The following SLC8A1 variants were observed in gnomAD, a reference collection of about 807,000 sequenced individuals.
SLC8A1 encodes solute carrier family 8 member A1.
Under a neutral mutation model 68.3 loss-of-function variants are expected in SLC8A1, and 18 were observed. The ratio of observed to expected loss-of-function variants is 0.26; its 90% CI spans 0.18 to 0.39. The LOEUF (loss-of-function observed/expected upper bound fraction) is 0.39. Among genes scored for constraint, SLC8A1 ranks in the 10% least tolerant of loss-of-function variants. The pLI, the probability that SLC8A1 is intolerant of heterozygous loss-of-function variation, is 1.00. For missense variants in SLC8A1, 985 were observed against 1,156.7 expected, an observed-to-expected ratio of 0.85 and a Z score of 2.15; for synonymous variants, 475 against 415.5, an observed-to-expected ratio of 1.14 and a Z score of -1.74.
chr2:40,377,383 G>A (rs1680234158), intron 2 of SLC8A1, among the ~76,000 whole-genome samples: 2 of 152,060 alleles, frequency 1.3e-5, no homozygotes. Flanking sequence ...CCTGAGCAGG[G>A]AGCCCAGTTA....
At chr2:40,203,177 T>C (rs1040479623) in intron 2 of SLC8A1, among the ~76,000 whole-genome samples, 1 of 152,040 alleles carries the variant, frequency 6.6e-6, no homozygotes, top group Non-Finnish European at 1.5e-5. Context: ...TCCTTAAGCA[T>C]GTTTACTTGC....
chr2:40,507,151 G>T (rs545269340), intron 1 of SLC8A1, among the ~76,000 whole-genome samples: 5 of 151,886 alleles, frequency 3.3e-5, no homozygotes, highest in Non-Finnish European at 7.4e-5. Flanking sequence ...AATTTAGCAC[G>T]TATGGGTGAT....
chr2:40,348,349 T>G (rs1177065640), intron 2 of SLC8A1, among the ~76,000 whole-genome samples: 1 of 152,186 alleles, frequency 6.6e-6, no homozygotes, highest in African/African-American at 2.4e-5. Context: ...TCTTGAGAAT[T>G]GTTAGGGAAG....
intron 1 of SLC8A1, among the ~76,000 whole-genome samples, chr2:40,479,023 C>T (rs1282748784): frequency 6.6e-6 from 1 of 152,112 alleles, no homozygotes; most frequent in East Asian, 1.9e-4. Context: ...CCGCCTGCCT[C>T]GACCTCCCAA....
At chr2:40,234,012 T>C (rs1480676241) in intron 2 of SLC8A1, among the ~76,000 whole-genome samples, 1 of 152,180 alleles carries the variant, frequency 6.6e-6, no homozygotes, top group Non-Finnish European at 1.5e-5. Flanking sequence ...TTGTAGTATA[T>C]AGTTTGAAGT....
chr2:40,200,039 G>C (rs1472459114), intron 2 of SLC8A1, among the ~76,000 whole-genome samples: 1 of 146,966 alleles, frequency 6.8e-6, no homozygotes, highest in Non-Finnish European at 1.5e-5. Context: ...TGAGGAGGGT[G>C]AGTTAGATCT....
chr2:40,477,896 T>C (rs905251718), intron 1 of SLC8A1, among the ~76,000 whole-genome samples: 2 of 152,110 alleles, frequency 1.3e-5, no homozygotes, highest in African/African-American at 4.8e-5. Context: ...TTGGTACTTT[T>C]TAGGAGCTAT....
intron 2 of SLC8A1, among the ~76,000 whole-genome samples, chr2:40,283,342 T>C (rs1009763840): frequency 9.9e-5 from 15 of 152,120 alleles, no homozygotes; most frequent in African/African-American, 3.4e-4. Flanking sequence ...GAAAAACAAG[T>C]TCAACAAATG....
intron 2 of SLC8A1, among the ~76,000 whole-genome samples, chr2:40,418,898 C>A (rs1043020612): frequency 2.6e-5 from 4 of 152,066 alleles, no homozygotes; most frequent in African/African-American, 9.7e-5. Context: ...TAGGTTGCTC[C>A]TAGAGTGGAC....
chr2:40,188,313 G>A (rs974193570), intron 2 of SLC8A1, among the ~76,000 whole-genome samples: 4 of 152,140 alleles, frequency 2.6e-5, no homozygotes, highest in Non-Finnish European at 5.9e-5. Flanking sequence ...AAAGTTTAAG[G>A]TAACGTTTAA....
At chr2:40,328,765 T>A (rs1043698669) in intron 2 of SLC8A1, among the ~76,000 whole-genome samples, 75 of 152,134 alleles carry the variant, frequency 4.9e-4, no homozygotes, top group African/African-American at 1.7e-3. Flanking sequence ...AGCTTCCCAG[T>A]GACTTCCAAT....
chr2:40,383,881 T>G lies in SLC8A1; in HGVS notation c.1808+44592A>C, dbSNP rs554962992. 5.3e-5 allele frequency among the ~76,000 whole-genome samples: 8 copies of G among 152,262 alleles called. No individual in the cohort carries two copies. In the South Asian group the frequency reaches 1.7e-3, roughly 32 times the overall value. ...CAGAAATTTTAGAGATACAATGTAG[T>G]CCTATATCCAAGAGTGAACCTTCAG... On this transcript the variant is annotated intron_variant, in intron 2 of 7. Coordinates refer to ENST00000406785, the Ensembl canonical transcript of SLC8A1.
intron 1 of SLC8A1, among the ~76,000 whole-genome samples, chr2:40,470,575 T>C (rs1323128221): frequency 1.3e-5 from 2 of 151,860 alleles, no homozygotes; most frequent in Non-Finnish European, 2.9e-5. Flanking sequence ...ACATATTGTG[T>C]TAAGAGCAAG....
intron 2 of SLC8A1, among the ~76,000 whole-genome samples, chr2:40,229,594 A>G (rs2059396342): frequency 6.6e-6 from 1 of 152,170 alleles, no homozygotes; most frequent in Non-Finnish European, 1.5e-5. Flanking sequence ...AAGTCCTTAC[A>G]GCTCTTCATA....
chr2:40,109,912 T>A (rs2034458190), exon 8 of SLC8A1: 1 of 152,192 alleles, frequency 6.6e-6, no homozygotes. Flanking sequence ...TTTTAACTAC[T>A]AAGTCATATT....
intron 4 of SLC8A1, among the ~76,000 whole-genome samples, chr2:40,174,354 C>T (rs928028679): frequency 3.9e-5 from 6 of 152,062 alleles, no homozygotes; most frequent in East Asian, 1.9e-4. Context: ...GCTTGGACCA[C>T]GGATCCATCT....
chr2:40,491,545 G>A (rs1224746710), intron 1 of SLC8A1, among the ~76,000 whole-genome samples: 1 of 152,094 alleles, frequency 6.6e-6, no homozygotes, highest in African/African-American at 2.4e-5. Flanking sequence ...GTGAGAGAAG[G>A]CATCCCTGTC....
At chr2:40,441,062 AC>A (rs1260440922) in intron 1 of SLC8A1, among the ~76,000 whole-genome samples, 4 of 152,238 alleles carry the variant, frequency 2.6e-5, no homozygotes, top group African/African-American at 9.6e-5. Flanking sequence ...CCTTAAGCTG[AC>A]AAGCAACTTC....
At chr2:40,208,975 AATT>A (rs2056040481) in intron 2 of SLC8A1, 2 of 152,258 alleles carry the variant, frequency 1.3e-5, no homozygotes, top group South Asian at 4.1e-4. Flanking sequence ...CAAATTCAGT[AATT>A]ATTTACAAAT....
Sources: gnomAD v4.1 joint callset for allele counts (sites outside exome capture counted in the v4.1 genomes callset) on GRCh38, gnomAD v4.1.1 for gene constraint, MANE v1.5 for transcripts, NCBI Gene and HGNC (gene_info 2026-07-23, HGNC 2026-07-21) for gene names.